The following SPAG17 variants were observed in gnomAD, a reference collection of about 807,000 sequenced individuals.
The protein encoded by SPAG17 is sperm associated antigen 17, also known as sperm-associated antigen 17.
Under a neutral mutation model 273.6 loss-of-function variants are expected in SPAG17, and 169 were observed. The observed-to-expected ratio is 0.62, with a 90% CI of 0.55 to 0.70. The LOEUF (loss-of-function observed/expected upper bound fraction) is 0.70, where lower values mean the gene tolerates loss of function less well. Among genes scored for constraint, SPAG17 ranks in the 30% least tolerant of loss-of-function variants. The pLI is 0.00. For missense variants in SPAG17, 2,557 were observed against 2,627.8 expected (o/e 0.97, Z 0.59); for synonymous variants, 825 against 873.2 (o/e 0.94, Z 0.97).
At chr1:118,142,668 C>T (rs1436049999) in intron 3 of SPAG17, among the ~76,000 whole-genome samples, 1 of 152,124 alleles carries the variant, frequency 6.6e-6, no homozygotes, top group Non-Finnish European at 1.5e-5. Context: ...GTAATCACCA[C>T]TACAGCTTTA....
chr1:118,060,435 T>C (rs1168662210), intron 18 of SPAG17, among the ~76,000 whole-genome samples: 1 of 152,014 alleles, frequency 6.6e-6, no homozygotes, highest in Non-Finnish European at 1.5e-5. Flanking sequence ...CTTCCCAACA[T>C]TTTACGTTAT....
chr1:118,045,760 G>T (rs993164755), intron 20 of SPAG17, among the ~76,000 whole-genome samples: 2 of 152,142 alleles, frequency 1.3e-5, no homozygotes, highest in South Asian at 4.1e-4. Context: ...TTGTGGGAGT[G>T]AGTTAATCTA....
At chr1:118,069,344 C>CAAAAAAAAAAAAAAAAAAAAA (rs563980015) in intron 17 of SPAG17, among the ~76,000 whole-genome samples, 22 of 86,106 alleles carry the variant, frequency 2.6e-4, no homozygotes, top group Non-Finnish European at 3.1e-4. Context: ...GACTCCGTCT[C>CAAAAAAAAAAAAAAAAAAAAA]AAAAAAAAAA....
At chr1:118,161,409 T>C (rs76000976) in intron 1 of SPAG17, among the ~76,000 whole-genome samples, 4,328 of 152,222 alleles carry the variant, frequency 0.028, 92 homozygotes, top group Non-Finnish European at 0.042. Flanking sequence ...CAATCAATCC[T>C]AGTGGGAGGG....
chr1:118,085,510 A>ATGCGTGTGTGCATACGCG (rs1553248067), intron 13 of SPAG17, among the ~76,000 whole-genome samples: 3 of 151,968 alleles, frequency 2.0e-5, no homozygotes, highest in East Asian at 2.0e-4. Context: ...ATATGCGTGC[A>ATGCGTGTGTGCATACGCG]TGCGTGCGTG....
intron 31 of SPAG17, among the ~76,000 whole-genome samples, chr1:118,006,243 T>C (rs764310169): frequency 6.6e-6 from 1 of 152,232 alleles, no homozygotes; most frequent in African/African-American, 2.4e-5. Context: ...ACGCTGATCC[T>C]GTTAGAAATC....
chr1:118,183,284 G>A (rs982437199), intron 1 of SPAG17, among the ~76,000 whole-genome samples: 5 of 152,090 alleles, frequency 3.3e-5, no homozygotes, highest in Admixed American at 1.3e-4. Context: ...AGCACACTAC[G>A]TGTGCTCAAA....
chr1:118,178,451 T>G (rs146481602), intron 1 of SPAG17, among the ~76,000 whole-genome samples: 1 of 151,972 alleles, frequency 6.6e-6, no homozygotes, highest in Non-Finnish European at 1.5e-5. Flanking sequence ...CCTCAAATGA[T>G]AAAGGCCAAA....
At chr1:118,068,257 T>C (rs985112805) in intron 17 of SPAG17, among the ~76,000 whole-genome samples, 3 of 152,104 alleles carry the variant, frequency 2.0e-5, no homozygotes, top group Admixed American at 2.0e-4. Flanking sequence ...TTCCCCAATT[T>C]AGTCCCCTGA....
At chr1:117,971,831 A>T in intron 45 of SPAG17, 32 bp downstream of exon 45, 1 of 1,582,104 alleles carries the variant, frequency 6.3e-7, no homozygotes, top group Non-Finnish European at 8.6e-7. Flanking sequence ...GGGAAAGGTA[A>T]CCTGAGCAGA....
intron 4 of SPAG17, among the ~76,000 whole-genome samples, chr1:118,109,006 T>C (rs1189050894): frequency 6.6e-6 from 1 of 152,226 alleles, no homozygotes. Context: ...TTTTAGATCA[T>C]ATTTTATTTC....
intron 28 of SPAG17, among the ~76,000 whole-genome samples, chr1:118,017,199 G>A (rs900864614): frequency 2.6e-5 from 4 of 152,096 alleles, no homozygotes; most frequent in Non-Finnish European, 5.9e-5. Context: ...AAATGGTATC[G>A]CTTTCAGAAT....
At chr1:118,150,500 T>C (rs763229616) in intron 3 of SPAG17, 43 bp downstream of exon 3, 1 of 1,153,610 alleles carries the variant, frequency 8.7e-7, no homozygotes, top group Non-Finnish European at 1.2e-6. Flanking sequence ...CAATTCTTTT[T>C]TCTAAAAACA....
chr1:118,152,386 T>C (rs1461092957), intron 1 of SPAG17, among the ~76,000 whole-genome samples: 2 of 152,228 alleles, frequency 1.3e-5, no homozygotes, highest in East Asian at 3.8e-4. Context: ...ACAAATTTAA[T>C]AAAATGCATC....
chr1:118,041,753 A>G (rs776917934), intron 21 of SPAG17, 50 bp downstream of exon 21: 1 of 1,567,550 alleles, frequency 6.4e-7, no homozygotes, highest in South Asian at 1.2e-5. Flanking sequence ...TTTTCCCAAA[A>G]CAATTAGGAA....
At position 118,086,653 on chromosome 1, in the gene SPAG17, T is replaced by G. The variant is rs1478723935; in HGVS notation, c.1611+18A>C. 1 of 1,608,462 alleles carries G rather than the reference T, an allele frequency of 6.2e-7. No individual in the cohort carries two copies. Among genetic ancestry groups the G allele is most frequent in the South Asian group, 1.1e-5 (1 of 90,932 alleles). On this transcript the variant is annotated intron_variant, in intron 12 of 48. Coordinates refer to ENST00000336338, the MANE Select transcript of SPAG17 (RefSeq NM_206996.4). ...TTTCCCACATCGGTTTTCCTTGGGC[T>G]AACCTGATTATTATTACCTGTAGTG...
At chr1:117,999,871 T>C (rs1571198315) in intron 32 of SPAG17, among the ~76,000 whole-genome samples, 1 of 152,244 alleles carries the variant, frequency 6.6e-6, no homozygotes, top group Non-Finnish European at 1.5e-5. Context: ...CCATTGTTTT[T>C]GGTGTTTTAG....
chr1:118,045,202 T>A (rs1557950699), intron 20 of SPAG17, among the ~76,000 whole-genome samples: 1 of 152,196 alleles, frequency 6.6e-6, no homozygotes, highest in East Asian at 1.9e-4. Context: ...GATAGGAGCA[T>A]CTTTTGCTCT....
chr1:118,158,552 G>A (rs562524764), intron 1 of SPAG17, among the ~76,000 whole-genome samples: 4 of 152,244 alleles, frequency 2.6e-5, no homozygotes, highest in South Asian at 4.1e-4. Context: ...GTCATGCAGC[G>A]CTAGTTCTTA....
Sources: gnomAD v4.1 joint callset for allele counts (sites outside exome capture counted in the v4.1 genomes callset) on GRCh38, gnomAD v4.1.1 for gene constraint, MANE v1.5 for transcripts, NCBI Gene and HGNC (gene_info 2026-07-23, HGNC 2026-07-21) for gene names.